Variants in RNF38 observed in about 807,000 individuals in gnomAD.
RNF38 encodes ring finger protein 38.
Under a neutral mutation model 67.2 loss-of-function variants are expected in RNF38, and 15 were observed. The ratio of observed to expected loss-of-function variants is 0.22; its 90% confidence interval spans 0.15 to 0.34. RNF38 has a LOEUF of 0.34. RNF38 is among the 10% of genes least tolerant of loss of function. The pLI is 1.00. For missense variants in RNF38, 524 were observed against 639.9 expected (o/e 0.82, Z 1.95); for synonymous variants, 220 against 218.8 (o/e 1.01, Z -0.05).
At chr9:36,422,158 G>A (rs1005129227) in intron 2 of RNF38, among the ~76,000 whole-genome samples, 7 of 152,152 alleles carry the variant, frequency 4.6e-5, no homozygotes, top group African/African-American at 1.7e-4. Flanking sequence ...CTTGAACCAG[G>A]AGGCAGACAC....
At chr9:36,475,302 T>C (rs1043267092) in intron 1 of RNF38, among the ~76,000 whole-genome samples, 2 of 152,170 alleles carry the variant, frequency 1.3e-5, no homozygotes, top group African/African-American at 4.8e-5. Context: ...TAGTACATAG[T>C]AAGCATTCAA....
intron 1 of RNF38, among the ~76,000 whole-genome samples, chr9:36,443,580 G>A (rs1839241922): frequency 6.6e-6 from 1 of 152,118 alleles, no homozygotes. Flanking sequence ...ACTACAAATA[G>A]ATAAAGACTT....
chr9:36,359,492 C>T (rs887015949), intron 4 of RNF38, among the ~76,000 whole-genome samples: 2 of 152,078 alleles, frequency 1.3e-5, no homozygotes, highest in African/African-American at 2.4e-5. Flanking sequence ...CAGTGAAATA[C>T]CATCTTTTTA....
intron 8 of RNF38, 52 bp downstream of exon 8, chr9:36,352,690 G>A (rs116754245): frequency 8.0e-7 from 1 of 1,256,070 alleles, no homozygotes; most frequent in African/African-American, 1.5e-5. Context: ...AAAGGAAAGA[G>A]AATCTCAAGA....
chr9:36,402,126 G>A (rs1454924555), upstream of RNF38, among the ~76,000 whole-genome samples: 3 of 152,220 alleles, frequency 2.0e-5, no homozygotes, highest in Non-Finnish European at 4.4e-5. Flanking sequence ...AGAAACACAA[G>A]AGAAGGTGTT....
chr9:36,455,842 C>T (rs1168581029), intron 1 of RNF38, among the ~76,000 whole-genome samples: 1 of 148,212 alleles, frequency 6.7e-6, no homozygotes, highest in South Asian at 2.1e-4. Context: ...ATCTGGGGGG[C>T]GGAGGTTGCA....
intron 2 of RNF38, among the ~76,000 whole-genome samples, chr9:36,417,250 C>T (rs1482181779): frequency 1.3e-5 from 2 of 152,102 alleles, no homozygotes; most frequent in African/African-American, 4.8e-5. Context: ...CAGCGACAAG[C>T]CGCTTATTTC....
At chr9:36,378,914 T>TG (rs1217707302) in intron 2 of RNF38, among the ~76,000 whole-genome samples, 1 of 151,682 alleles carries the variant, frequency 6.6e-6, no homozygotes, top group Non-Finnish European at 1.5e-5. Context: ...CTTTTTTTTT[T>TG]TTTGAGACGG....
intron 1 of RNF38, among the ~76,000 whole-genome samples, chr9:36,469,553 C>T (rs1839948377): frequency 2.0e-5 from 3 of 151,830 alleles, no homozygotes; most frequent in Admixed American, 6.6e-5. Flanking sequence ...CCCAGCTACT[C>T]GGGAGGCTGA....
intron 1 of RNF38, among the ~76,000 whole-genome samples, chr9:36,449,025 G>T (rs1839375528): frequency 2.0e-5 from 3 of 152,046 alleles, no homozygotes; most frequent in South Asian, 4.2e-4. Flanking sequence ...AAGAAAGAAA[G>T]AAATAGACCC....
At chr9:36,416,740 ATATTTTTTTTTTT>A (rs1436685325) in intron 2 of RNF38, among the ~76,000 whole-genome samples, 1 of 73,032 alleles carries the variant, frequency 1.4e-5, no homozygotes, top group African/African-American at 5.5e-5. Context: ...TGCTGCCTCG[ATATTTTTTTTTTT>A]TTTTTTTTTT....
At chr9:36,374,709 C>T (rs1009550436) in intron 3 of RNF38, among the ~76,000 whole-genome samples, 4 of 152,242 alleles carry the variant, frequency 2.6e-5, no homozygotes, top group Admixed American at 2.6e-4. Flanking sequence ...AGGATGGTCT[C>T]CTGACCTCGT....
chr9:36,385,378 A>G (rs561253469), intron 2 of RNF38, among the ~76,000 whole-genome samples: 1 of 139,386 alleles, frequency 7.2e-6, no homozygotes, highest in Non-Finnish European at 1.5e-5. Context: ...GATCCACTAC[A>G]GCTTTTTTTT....
In RNF38 at chr9:36,339,527, G is replaced by C. The variant is rs1035233909; in HGVS notation, c.*225C>G. On this transcript the variant is annotated 3_prime_UTR_variant, in exon 12 of 12. Coordinates refer to ENST00000259605, the MANE Select transcript of RNF38 (RefSeq NM_022781.5). ...AGTGCACACACAAAATTAAGCTAAA[G>C]AAAAAGTCTTTGGAGTTCCAATCAC... The C allele has an allele frequency of 4.1e-6, 2 of 484,088 alleles. No homozygotes were observed. Among genetic ancestry groups the C allele is most frequent in the Non-Finnish European group, 7.4e-6 (2 of 269,400 alleles). The allele number at this position is 484,088 out of a possible 1,614,324, so 30.0% of individuals were successfully genotyped here.
chr9:36,380,957 C>CA (rs1836170505), intron 2 of RNF38, among the ~76,000 whole-genome samples: 1 of 152,060 alleles, frequency 6.6e-6, no homozygotes. Context: ...ATGAAGTAGT[C>CA]AAAATTTCCA....
chr9:36,441,166 C>T (rs1839183365), intron 1 of RNF38, among the ~76,000 whole-genome samples: 1 of 152,074 alleles, frequency 6.6e-6, no homozygotes, highest in Non-Finnish European at 1.5e-5. Context: ...TTGTAATGTA[C>T]TAAGGTTACA....
chr9:36,426,802 CTATGTGAACT>C (rs1236206466), intron 1 of RNF38, among the ~76,000 whole-genome samples: 7 of 152,164 alleles, frequency 4.6e-5, no homozygotes, highest in African/African-American at 1.7e-4. Flanking sequence ...AATTTACAGA[CTATGTGAACT>C]TAGGTAAGTC....
chr9:36,445,112 C>T (rs1010505449), intron 1 of RNF38, among the ~76,000 whole-genome samples: 11 of 152,060 alleles, frequency 7.2e-5, no homozygotes, highest in African/African-American at 2.7e-4. Flanking sequence ...CCGTCTTTTG[C>T]GATGGGACAG....
At chr9:36,472,812 T>C (rs889746466) in intron 1 of RNF38, among the ~76,000 whole-genome samples, 5 of 152,154 alleles carry the variant, frequency 3.3e-5, no homozygotes, top group African/African-American at 1.2e-4. Context: ...GCCTGATTTA[T>C]AGAGAATCCA....
Sources: allele counts gnomAD v4.1 joint callset (sites outside exome capture counted in the v4.1 genomes callset), GRCh38; gene constraint gnomAD v4.1.1; transcripts MANE v1.5; gene names NCBI Gene and HGNC (gene_info 2026-07-23, HGNC 2026-07-21).